Variants in EPB41L2 observed in about 807,000 individuals in gnomAD.
EPB41L2 encodes the protein band 4.1-like protein 2.
EPB41L2 carries 43 observed loss-of-function variants against 113.0 expected under a neutral mutation model. The observed-to-expected ratio is 0.38, with a 90% CI of 0.30 to 0.49. The LOEUF (loss-of-function observed/expected upper bound fraction) is 0.49. Ranked by LOEUF, EPB41L2 falls within the 20% of genes least tolerant of loss-of-function variation. The pLI, the probability that EPB41L2 is intolerant of heterozygous loss-of-function variation, is 0.95. For synonymous variants in EPB41L2, 442 were observed against 436.7 expected, an observed-to-expected ratio of 1.01 and a Z score of -0.15; for missense variants, 1,147 against 1,223.4, an observed-to-expected ratio of 0.94 and a Z score of 0.93.
At chr6:130,933,452 T>C (rs1483575461) in intron 3 of EPB41L2, among the ~76,000 whole-genome samples, 3 of 152,188 alleles carry the variant, frequency 2.0e-5, no homozygotes, top group African/African-American at 4.8e-5. Flanking sequence ...ACCCTACTTA[T>C]ACCACTCACT....
rs202182943 is a variant in EPB41L2 at position 130,985,973 on chromosome 6, T to TAA, written c.-14-29475_-14-29474insTT. On this transcript the variant is annotated intron_variant, in intron 1 of 19. Coordinates refer to ENST00000337057, the MANE Select transcript of EPB41L2 (RefSeq NM_001431.4). ...CCGAAAAGAAACCCTTCCTAACCCA[T>TAA]TCTATAGGGCCTGATACAAAAGCCA... Among the ~76,000 whole-genome samples, 36 of 152,056 alleles carry TAA rather than the reference T, an allele frequency of 2.4e-4. 2 individuals are homozygous for TAA. The East Asian group carries it at 7.0e-3, about 29-fold the overall frequency.
intron 4 of EPB41L2, among the ~76,000 whole-genome samples, chr6:130,922,201 A>C (rs943918769): frequency 2.6e-5 from 4 of 152,348 alleles, no homozygotes; most frequent in South Asian, 2.1e-4. Context: ...ACTGGCACAG[A>C]CCATCACAGA....
At chr6:131,010,415 T>A (rs1307993824) in intron 1 of EPB41L2, among the ~76,000 whole-genome samples, 2 of 56,494 alleles carry the variant, frequency 3.5e-5, no homozygotes. Context: ...AATTAATTAA[T>A]TTTTTTTTTT....
chr6:130,959,767 C>T (rs1012131921), intron 1 of EPB41L2, among the ~76,000 whole-genome samples: 1 of 152,134 alleles, frequency 6.6e-6, no homozygotes, highest in African/African-American at 2.4e-5. Context: ...CTAGTATATG[C>T]TCTCTAATTA....
At chr6:130,958,580 T>C (rs964775333) in intron 1 of EPB41L2, among the ~76,000 whole-genome samples, 1 of 151,594 alleles carries the variant, frequency 6.6e-6, no homozygotes, top group Non-Finnish European at 1.5e-5. Context: ...TTTAAATGGG[T>C]ACTCATTATT....
Position 130,936,776 on chromosome 6 carries a change from C to G in EPB41L2, c.706-10067G>C, listed in dbSNP as rs73617193. Among the ~76,000 whole-genome samples the G allele has an allele frequency of 8.4e-3, 1,276 of 152,242 alleles. 23 individuals are homozygous for G. Among genetic ancestry groups the G allele is most frequent in the African/African-American group, 0.029 (1,198 of 41,532 alleles). ...AGGCATTGCTCAAAACAAATCATAA[C>G]CAAATTCAGCTATCGATTAGTTAGC... On this transcript the variant is annotated intron_variant, in intron 3 of 19. Transcript: ENST00000337057.
At chr6:130,924,101 T>G (rs1447245153) in intron 4 of EPB41L2, among the ~76,000 whole-genome samples, 2 of 152,316 alleles carry the variant, frequency 1.3e-5, no homozygotes, top group East Asian at 3.9e-4. Context: ...CTGCTTTAAC[T>G]CACTTAACAT....
At chr6:130,897,029 G>A (rs1469943338) in intron 8 of EPB41L2, among the ~76,000 whole-genome samples, 1 of 151,972 alleles carries the variant, frequency 6.6e-6, no homozygotes, top group Non-Finnish European at 1.5e-5. Flanking sequence ...TCTCTCCTTG[G>A]GAGTTTTGGA....
chr6:131,031,746 A>G (rs748454122), intron 1 of EPB41L2, among the ~76,000 whole-genome samples: 2 of 152,234 alleles, frequency 1.3e-5, no homozygotes, highest in South Asian at 4.1e-4. Flanking sequence ...TGAAGCTCTG[A>G]TAATATATGT....
At chr6:131,021,993 G>T (rs1460548492) in intron 1 of EPB41L2, among the ~76,000 whole-genome samples, 1 of 152,058 alleles carries the variant, frequency 6.6e-6, no homozygotes, top group African/African-American at 2.4e-5. Flanking sequence ...CATTTATTGT[G>T]CACTTTAATT....
Position 130,955,162 on chromosome 6 carries a change from T to G in EPB41L2, c.648A>C (p.Lys216Asn), listed in dbSNP as rs1370974870. 2 of 1,614,148 alleles carry G rather than the reference T, an allele frequency of 1.2e-6. No homozygotes were observed. The highest frequency in any genetic ancestry group is 1.7e-6 in the Non-Finnish European group (2 of 1,180,022). ...KASQKVTKKT[K>N]TVQCKVTLLD... ...AGAGGGTCACTTTACACTGGACAGTTTTGGTCTTCTTGGTGACTTTTTGAG... is the reference window on the plus strand; with the variant it reads ...AGAGGGTCACTTTACACTGGACAGTGTTGGTCTTCTTGGTGACTTTTTGAG... The change falls in exon 3 of 20, where the codon AAA becomes AAC. Residue 216 changes from lysine (K) to asparagine (N), a missense_variant. Physicochemically the swap from Lys to Asn is moderately conservative, Grantham distance 94. Coordinates refer to ENST00000337057, the MANE Select transcript of EPB41L2 (RefSeq NM_001431.4).
In EPB41L2 at chr6:130,899,244, A is replaced by C. The variant is rs181716791; in HGVS notation, c.1236+247T>G. Among the ~76,000 whole-genome samples, 274 of 152,180 alleles carry C rather than the reference A, an allele frequency of 1.8e-3. 1 individual carries two copies. Among genetic ancestry groups the C allele is most frequent in the African/African-American group, 6.2e-3 (259 of 41,458 alleles). On this transcript the variant is annotated intron_variant, in intron 8 of 19. Transcript: ENST00000337057. The stretch of plus-strand genomic sequence containing the variant: ...AAAAAAAAGGCTGACAAGGTGTGTC[A>C]TAGTAAGTACCTATGAAAGGGCATT...
chr6:131,029,296 GT>G (rs1791543907), intron 1 of EPB41L2, among the ~76,000 whole-genome samples: 1 of 144,756 alleles, frequency 6.9e-6, no homozygotes, highest in Non-Finnish European at 1.5e-5. Context: ...GAATACTGAT[GT>G]TTTTTTCTGT....
chr6:131,023,593 G>A (rs1013472043), intron 1 of EPB41L2, among the ~76,000 whole-genome samples: 1 of 152,126 alleles, frequency 6.6e-6, no homozygotes, highest in East Asian at 1.9e-4. Context: ...GCTGAGGCAG[G>A]AGAATCGCTT....
chr6:130,944,643 A>T (rs1242088009), intron 3 of EPB41L2, among the ~76,000 whole-genome samples: 2 of 152,214 alleles, frequency 1.3e-5, no homozygotes, highest in African/African-American at 2.4e-5. Flanking sequence ...GGCAGGAATC[A>T]TGTGATGGGG....
rs1478976175 is a variant in EPB41L2 at position 130,891,263 on chromosome 6, TAAAG to T, written c.1488-801_1488-798del. Among the ~76,000 whole-genome samples, 4 of 152,266 alleles carry T rather than the reference TAAAG, an allele frequency of 2.6e-5. No individual in the cohort carries two copies. In the East Asian group the frequency reaches 7.7e-4, roughly 29 times the overall value. On this transcript the variant is annotated intron_variant, in intron 10 of 19. Coordinates refer to ENST00000337057, the MANE Select transcript of EPB41L2 (RefSeq NM_001431.4). ...CATTTACTATGGAAGAGTGATTTCT[TAAAG>T]AACACTATCATTTCAAGTATTTCTA...
At chr6:130,924,409 G>T (rs7747303) in intron 4 of EPB41L2, among the ~76,000 whole-genome samples, 1,958 of 150,350 alleles carry the variant, frequency 0.013, 38 homozygotes, top group South Asian at 0.039. Context: ...ATGCAGTTTC[G>T]CTCTTGTTGC....
intron 19 of EPB41L2, among the ~76,000 whole-genome samples, chr6:130,843,055 T>A (rs543932252): frequency 6.6e-6 from 1 of 152,326 alleles, no homozygotes; most frequent in East Asian, 1.9e-4. Context: ...ACATCCCAGT[T>A]CCTTATTGGC....
At chr6:130,886,656 C>G (rs749928852) in intron 11 of EPB41L2, among the ~76,000 whole-genome samples, 1 of 149,788 alleles carries the variant, frequency 6.7e-6, no homozygotes, top group Non-Finnish European at 1.5e-5. Context: ...GTTTTTGAGA[C>G]ACAGTCTCGC....
Sources: allele counts gnomAD v4.1 joint callset (sites outside exome capture counted in the v4.1 genomes callset), GRCh38; gene constraint gnomAD v4.1.1; transcripts MANE v1.5; gene names NCBI Gene and HGNC (gene_info 2026-07-23, HGNC 2026-07-21).